Variants in ADCY10 observed in about 807,000 individuals in gnomAD.
ADCY10 encodes the protein adenylate cyclase type 10.
A neutral mutation model predicts 183.3 loss-of-function variants in ADCY10; 156 were observed. The observed-to-expected ratio is 0.85, with a 90% CI of 0.75 to 0.97. The LOEUF is 0.97. Ranked by LOEUF, ADCY10 falls within the 50% of genes least tolerant of loss-of-function variation. ADCY10 has a pLI of 0.00. For synonymous variants in ADCY10, 645 were observed against 670.0 expected (o/e 0.96, Z 0.58); for missense variants, 1,745 against 1,934.3 (o/e 0.90, Z 1.84).
At chr1:167,829,065 C>T (rs1029744882) in intron 26 of ADCY10, among the ~76,000 whole-genome samples, 1 of 152,118 alleles carries the variant, frequency 6.6e-6, no homozygotes, top group African/African-American at 2.4e-5. Context: ...AAAAGCTATT[C>T]GGGATCTTCA....
At chr1:167,833,922 G>T (rs761106841) in intron 24 of ADCY10, 48 bp downstream of exon 24, 1 of 1,417,796 alleles carries the variant, frequency 7.1e-7, no homozygotes, top group Non-Finnish European at 9.9e-7. Flanking sequence ...TCTATGGAAA[G>T]GCCTAAGATA....
At chr1:167,898,865 A>G (rs1669195825) in intron 6 of ADCY10, among the ~76,000 whole-genome samples, 1 of 152,034 alleles carries the variant, frequency 6.6e-6, no homozygotes, top group Admixed American at 6.6e-5. Flanking sequence ...TCATACCCTC[A>G]AAGCACAGCT....
At chr1:167,858,853 G>C (rs1348407962) in intron 16 of ADCY10, among the ~76,000 whole-genome samples, 3 of 152,230 alleles carry the variant, frequency 2.0e-5, no homozygotes, top group Non-Finnish European at 4.4e-5. Context: ...GAAGCAGAGA[G>C]GTGTGAAGCA....
chr1:167,823,705 C>CCAAATATACCTCTTAAACAGATTT (rs1663076143), intron 28 of ADCY10, among the ~76,000 whole-genome samples: 1 of 152,150 alleles, frequency 6.6e-6, no homozygotes, highest in Non-Finnish European at 1.5e-5. Flanking sequence ...TAATTCGGAA[C>CCAAATATACCTCTTAAACAGATTT]CAAATATACC....
At chr1:167,811,670 A>G (rs1342262544) in intron 31 of ADCY10, among the ~76,000 whole-genome samples, 1 of 152,208 alleles carries the variant, frequency 6.6e-6, no homozygotes, top group Non-Finnish European at 1.5e-5. Flanking sequence ...AACACAGGGC[A>G]AACTGCTGCC....
intron 25 of ADCY10, among the ~76,000 whole-genome samples, chr1:167,832,722 G>A (rs570419833): frequency 9.9e-5 from 15 of 152,230 alleles, no homozygotes; most frequent in African/African-American, 3.1e-4. Flanking sequence ...GAGTTAGGAC[G>A]GACCCTAGAA....
chr1:167,829,500 G>A (rs1663558759), intron 25 of ADCY10, 77 bp from the exon 26 acceptor site: 1 of 1,559,760 alleles, frequency 6.4e-7, no homozygotes, highest in African/African-American at 1.4e-5. Flanking sequence ...CAGGTACATG[G>A]TGTCCTCACT....
At chr1:167,897,350 A>T (rs1669050182) in intron 6 of ADCY10, among the ~76,000 whole-genome samples, 1 of 148,522 alleles carries the variant, frequency 6.7e-6, no homozygotes, top group Admixed American at 6.7e-5. Context: ...AAAAAAAATT[A>T]GCCAGGTGTA....
At chr1:167,849,719 C>T (rs1405136155) in intron 18 of ADCY10, among the ~76,000 whole-genome samples, 1 of 152,178 alleles carries the variant, frequency 6.6e-6, no homozygotes, top group Non-Finnish European at 1.5e-5. Context: ...CAAAGAGTAA[C>T]ATGTTGTGGG....
intron 26 of ADCY10, among the ~76,000 whole-genome samples, chr1:167,828,334 T>G (rs528945605): frequency 6.6e-6 from 1 of 152,362 alleles, no homozygotes; most frequent in South Asian, 2.1e-4. Flanking sequence ...CTCAGTGAGT[T>G]AAATAAAATC....
At chr1:167,862,904 C>A (rs1185857763) in intron 14 of ADCY10, among the ~76,000 whole-genome samples, 1 of 152,174 alleles carries the variant, frequency 6.6e-6, no homozygotes, top group Non-Finnish European at 1.5e-5. Flanking sequence ...GAATACCATA[C>A]TATCTACTTC....
chr1:167,912,237 A>C (rs557813172), intron 1 of ADCY10, among the ~76,000 whole-genome samples: 99 of 152,162 alleles, frequency 6.5e-4, no homozygotes, highest in Non-Finnish European at 1.2e-3. Context: ...GTCCTTGGGA[A>C]ATTTTCATTT....
chr1:167,888,344 T>C (rs1322973029), intron 8 of ADCY10, among the ~76,000 whole-genome samples: 2 of 152,214 alleles, frequency 1.3e-5, no homozygotes, highest in Admixed American at 6.5e-5. Context: ...AGGTATTGCA[T>C]TGAATCTGTA....
At chr1:167,862,010 C>G (rs1429123061) in intron 14 of ADCY10, among the ~76,000 whole-genome samples, 1 of 152,180 alleles carries the variant, frequency 6.6e-6, no homozygotes, top group Non-Finnish European at 1.5e-5. Context: ...GCCTCCCTAG[C>G]CATGTGGAAC....
At chr1:167,833,225 G>A (rs1277942793) in intron 24 of ADCY10, 63 bp from the exon 25 acceptor site, 6 of 1,462,516 alleles carry the variant, frequency 4.1e-6, no homozygotes, top group Non-Finnish European at 5.7e-6. Context: ...TTAATTAGTA[G>A]GTCCCAACAA....
At chr1:167,832,624 A>G (rs1349277411) in intron 25 of ADCY10, among the ~76,000 whole-genome samples, 1 of 152,120 alleles carries the variant, frequency 6.6e-6, no homozygotes, top group East Asian at 1.9e-4. Flanking sequence ...ACCTAATGGA[A>G]GAGGGCTTGT....
At chr1:167,872,842 C>A (rs1381040111) in intron 13 of ADCY10, among the ~76,000 whole-genome samples, 1 of 150,832 alleles carries the variant, frequency 6.6e-6, no homozygotes, top group African/African-American at 2.4e-5. Context: ...GAGGCCAAGG[C>A]GGGCAGATCA....
At chr1:167,875,895 G>A (rs1203485395) in intron 12 of ADCY10, among the ~76,000 whole-genome samples, 1 of 152,114 alleles carries the variant, frequency 6.6e-6, no homozygotes, top group Non-Finnish European at 1.5e-5. Context: ...GGAGCTTGCA[G>A]TGAGCCGAGA....
intron 8 of ADCY10, among the ~76,000 whole-genome samples, chr1:167,888,106 C>T (rs1192441999): frequency 6.6e-6 from 1 of 152,122 alleles, no homozygotes; most frequent in Non-Finnish European, 1.5e-5. Flanking sequence ...GAGTTTATTT[C>T]TTGTTTCTCT....
Sources: gnomAD v4.1 joint callset for allele counts (sites outside exome capture counted in the v4.1 genomes callset) on GRCh38, gnomAD v4.1.1 for gene constraint, MANE v1.5 for transcripts, NCBI Gene and HGNC (gene_info 2026-07-23, HGNC 2026-07-21) for gene names.